Variants in IQSEC1 observed in about 807,000 individuals in gnomAD.
The protein encoded by IQSEC1 is IQ motif and SEC7 domain-containing protein 1.
A neutral mutation model predicts 91.0 loss-of-function variants in IQSEC1; 31 were observed. The observed-to-expected ratio is 0.34, with a 90% CI of 0.26 to 0.46. The LOEUF is 0.46. Ranked by LOEUF, IQSEC1 falls within the 20% of genes least tolerant of loss-of-function variation. The probability of loss-of-function intolerance (pLI) is 1.00; values close to 1 mark genes in which losing one functional copy is unlikely to be tolerated. For synonymous variants in IQSEC1, 699 were observed against 662.6 expected, an observed-to-expected ratio of 1.05 and a Z score of -0.84; for missense variants, 1,388 against 1,575.6, an observed-to-expected ratio of 0.88 and a Z score of 2.02.
At chr3:12,981,834 G>A (rs1278379380) in intron 1 of IQSEC1, among the ~76,000 whole-genome samples, 9 of 152,178 alleles carry the variant, frequency 5.9e-5, no homozygotes, top group Admixed American at 2.0e-4. Flanking sequence ...ATGGGGTCAG[G>A]AGCCGGGTGA....
rs77478174 is a variant in IQSEC1 at position 13,107,955 on chromosome 3, C to T, written c.302+56149G>A. ...GAGCTCCGGACTCCAGCCCAGAGGG[C>T]GCCGGGGAGCAGCCCCGCATGCTGC... On this transcript the variant is annotated intron_variant, in intron 2 of 15. Transcript: ENST00000648114. Among the ~76,000 whole-genome samples the T allele has an allele frequency of 1.8e-3, 272 of 152,382 alleles. 3 individuals carry two copies. The East Asian group carries it at 0.043, about 24-fold the overall frequency.
chr3:12,981,143 C>T (rs1532344), intron 1 of IQSEC1, among the ~76,000 whole-genome samples: 32,092 of 152,104 alleles, frequency 0.21, 4,044 homozygotes, highest in East Asian at 0.55. Context: ...TTGGCGGGGT[C>T]GTGCTTAGGG....
chr3:12,902,671 A>AAAAAAAAAAAAAAAAAAAAAAAAAAAAC, intron 13 of IQSEC1, 102 bp downstream of exon 13: 1 of 161,756 alleles, frequency 6.2e-6, no homozygotes, highest in South Asian at 8.2e-5. Flanking sequence ...AAAAAAAACC[A>AAAAAAAAAAAAAAAAAAAAAAAAAAAAC]AAAAAAAAAA....
At chr3:13,012,439 C>G (rs548984343) in intron 1 of IQSEC1, among the ~76,000 whole-genome samples, 1 of 152,172 alleles carries the variant, frequency 6.6e-6, no homozygotes, top group Non-Finnish European at 1.5e-5. Context: ...GAGCTCACCC[C>G]CTTCTCAGCC....
chr3:13,013,323 G>A (rs115391289), intron 1 of IQSEC1, among the ~76,000 whole-genome samples: 7,800 of 152,190 alleles, frequency 0.051, 232 homozygotes, highest in South Asian at 0.14. Flanking sequence ...CCACTCTGCC[G>A]GCGGAGTCCC....
intron 12 of IQSEC1, among the ~76,000 whole-genome samples, chr3:12,904,644 C>T (rs952615634): frequency 6.6e-6 from 1 of 152,138 alleles, no homozygotes; most frequent in Non-Finnish European, 1.5e-5. Flanking sequence ...GACATTGTGG[C>T]GCCATGTGGA....
At chr3:13,218,285 T>C (rs1367010387) in intron 1 of IQSEC1, among the ~76,000 whole-genome samples, 1 of 152,206 alleles carries the variant, frequency 6.6e-6, no homozygotes, top group Non-Finnish European at 1.5e-5. Context: ...ATCCTTGAAG[T>C]TGGGATCATT....
intron 1 of IQSEC1, among the ~76,000 whole-genome samples, chr3:12,963,344 A>G (rs1444943991): frequency 1.3e-5 from 2 of 152,390 alleles, no homozygotes; most frequent in Non-Finnish European, 2.9e-5. Flanking sequence ...ACAAGGCAAA[A>G]AAGAAATTCA....
In IQSEC1 at chr3:13,110,171, G is replaced by A. The variant is rs112253112; in HGVS notation, c.302+53933C>T. ...TGCTGGGATTACAGGCGTGAGCCACGGTACCCGGCTGGATTAAATTCGTTT... is the reference window on the plus strand; with the variant it reads ...TGCTGGGATTACAGGCGTGAGCCACAGTACCCGGCTGGATTAAATTCGTTT... On this transcript the variant is annotated intron_variant, in intron 2 of 15. Coordinates refer to the IQSEC1 transcript ENST00000648114. Among the ~76,000 whole-genome samples the A allele has an allele frequency of 1.5e-3, 230 of 152,018 alleles. 1 individual carries two copies. Among genetic ancestry groups the A allele is most frequent in the African/African-American group, 5.2e-3 (215 of 41,474 alleles).
intron 2 of IQSEC1, among the ~76,000 whole-genome samples, chr3:13,126,980 A>G (rs1706524656): frequency 1.3e-5 from 2 of 152,354 alleles, no homozygotes; most frequent in South Asian, 4.1e-4. Context: ...TAAATTTTAT[A>G]TAAGGTATGA....
chr3:13,142,067 G>C (rs1459367195), intron 2 of IQSEC1, among the ~76,000 whole-genome samples: 1 of 152,236 alleles, frequency 6.6e-6, no homozygotes, highest in African/African-American at 2.4e-5. Flanking sequence ...AAGAGGAAAG[G>C]TTTGAGACGC....
intron 2 of IQSEC1, among the ~76,000 whole-genome samples, chr3:13,133,474 G>A (rs1706655100): frequency 1.3e-5 from 2 of 152,170 alleles, no homozygotes; most frequent in African/African-American, 4.8e-5. Flanking sequence ...ATGTCAGCGA[G>A]GCAGACCAGA....
intron 1 of IQSEC1, among the ~76,000 whole-genome samples, chr3:13,051,884 A>G (rs1332694334): frequency 2.0e-5 from 3 of 152,176 alleles, no homozygotes; most frequent in Non-Finnish European, 4.4e-5. Context: ...ATGCAGACCA[A>G]GTTCCTGCGC....
intron 1 of IQSEC1, among the ~76,000 whole-genome samples, chr3:12,953,877 C>A (rs937477192): frequency 7.2e-5 from 11 of 152,234 alleles, no homozygotes; most frequent in Non-Finnish European, 1.3e-4. Flanking sequence ...GGCAAGGCCG[C>A]CCCTTCACAG....
intron 3 of IQSEC1, among the ~76,000 whole-genome samples, chr3:12,932,921 C>T (rs1002269476): frequency 2.6e-5 from 4 of 152,224 alleles, no homozygotes; most frequent in African/African-American, 9.6e-5. Context: ...GGGATGCCCT[C>T]CCCACCAACC....
chr3:12,922,457 G>A lies in IQSEC1; in HGVS notation c.1731-215C>T, dbSNP rs1378890499. Among the ~76,000 whole-genome samples the A allele has an allele frequency of 3.3e-5, 5 of 152,204 alleles. No individual in the cohort carries two copies. Among genetic ancestry groups the A allele is most frequent in the Non-Finnish European group, 5.9e-5 (4 of 68,042 alleles). ...GCCCACAAAGCCCCTGGAACTGTAG[G>A]GAAGCGCGTGTGCCTATATTTATGC... On this transcript the variant is annotated intron_variant, in intron 4 of 13. Transcript: ENST00000613206. The surrounding 1 kb of genome is among the most constrained non-coding windows in gnomAD (Gnocchi z 5.1).
chr3:13,055,264 A>G (rs1704834036), intron 1 of IQSEC1, among the ~76,000 whole-genome samples: 1 of 152,214 alleles, frequency 6.6e-6, no homozygotes, highest in East Asian at 1.9e-4. Flanking sequence ...CTTCCTGGAC[A>G]GAGAGCCCAG....
At chr3:13,055,920 A>G (rs1704862327) in intron 1 of IQSEC1, among the ~76,000 whole-genome samples, 1 of 151,906 alleles carries the variant, frequency 6.6e-6, no homozygotes, top group Non-Finnish European at 1.5e-5. Flanking sequence ...TTGCATAGAG[A>G]GGCCCACCTG....
intron 9 of IQSEC1, among the ~76,000 whole-genome samples, chr3:12,912,311 C>T (rs1158536721): frequency 6.6e-6 from 1 of 152,214 alleles, no homozygotes; most frequent in Non-Finnish European, 1.5e-5. Context: ...TCCCCGGTCT[C>T]CAGGGCATGC....
Sources: allele counts gnomAD v4.1 joint callset (sites outside exome capture counted in the v4.1 genomes callset), GRCh38; gene constraint gnomAD v4.1.1; non-coding constraint Gnocchi (gnomAD v3.1); transcripts MANE v1.5; gene names NCBI Gene and HGNC (gene_info 2026-07-23, HGNC 2026-07-21).